The following MAEA variants were observed in gnomAD, a reference collection of about 807,000 sequenced individuals.
MAEA encodes E3 ubiquitin-protein transferase MAEA.
Under a neutral mutation model 46.2 loss-of-function variants are expected in MAEA, and 22 were observed. That is an observed-to-expected ratio of 0.48 (90% CI 0.34 to 0.68). The LOEUF (loss-of-function observed/expected upper bound fraction) is 0.68. Among genes scored for constraint, MAEA ranks in the 30% least tolerant of loss-of-function variants. The pLI, the probability that MAEA is intolerant of heterozygous loss-of-function variation, is 0.01. For synonymous variants in MAEA, 246 were observed against 222.6 expected, an observed-to-expected ratio of 1.11 and a Z score of -0.94; for missense variants, 393 against 558.1, an observed-to-expected ratio of 0.70 and a Z score of 2.98.
intron 1 of MAEA, among the ~76,000 whole-genome samples, chr4:1,293,084 C>T (rs1224978228): frequency 2.6e-5 from 4 of 152,082 alleles, no homozygotes; most frequent in East Asian, 1.9e-4. Context: ...TTAGTAGAGA[C>T]GTGGTTTCTC....
At chr4:1,335,491 C>T (rs1712630574) in intron 6 of MAEA, 1 of 980,462 alleles carries the variant, frequency 1.0e-6, no homozygotes, top group South Asian at 4.7e-5. Flanking sequence ...GTGTTGAAAT[C>T]ACAGAGTTAA....
In MAEA at chr4:1,339,264, T is replaced by C; in HGVS notation, c.*95T>C. 1 of 863,632 alleles carries C rather than the reference T, an allele frequency of 1.2e-6. No homozygotes were observed. Among genetic ancestry groups the C allele is most frequent in the Non-Finnish European group, 1.9e-6 (1 of 517,512 alleles). The allele number at this position is 863,632 out of a possible 1,614,324, so 53.5% of individuals were successfully genotyped here. On this transcript the variant is annotated 3_prime_UTR_variant, in exon 9 of 9. Transcript: ENST00000303400. Reference sequence around the variant, plus strand: ...TCCCACGCTCCAGCCTGCCGCGGCGTTTCTGTTTCTTGCGACCAAAGATCC... The same window carrying C: ...TCCCACGCTCCAGCCTGCCGCGGCGCTTCTGTTTCTTGCGACCAAAGATCC...
chr4:1,334,927 T>C, intron 6 of MAEA: 1 of 985,378 alleles, frequency 1.0e-6, no homozygotes, highest in Non-Finnish European at 1.2e-6. Flanking sequence ...CCTTTAAAAA[T>C]GTTGGAGTTA....
At chr4:1,335,559 C>T (rs1465711828) in intron 6 of MAEA, 5 of 865,272 alleles carry the variant, frequency 5.8e-6, no homozygotes, top group African/African-American at 1.8e-5. Context: ...ACTGGCCCCA[C>T]AGTGTGTTGA....
chr4:1,309,854 G>C (rs1736263910), intron 1 of MAEA: 3 of 1,315,460 alleles, frequency 2.3e-6, no homozygotes, highest in Non-Finnish European at 2.9e-6. Context: ...CTGTGCCTGA[G>C]CAGCGTCAGC....
At chr4:1,325,839 C>G (rs1036585879) in intron 4 of MAEA, among the ~76,000 whole-genome samples, 3 of 152,144 alleles carry the variant, frequency 2.0e-5, no homozygotes, top group Non-Finnish European at 4.4e-5. Context: ...CTGATTTGTA[C>G]CAAGCCTGGC....
chr4:1,329,931 G>A (rs1007424753), intron 5 of MAEA: 60 of 985,410 alleles, frequency 6.1e-5, no homozygotes, highest in Non-Finnish European at 6.7e-5. Context: ...TCCACATGGC[G>A]CTGGAGCGTC....
At chr4:1,330,682 T>G (rs2108994651) in intron 5 of MAEA, 1 of 152,376 alleles carries the variant, frequency 6.6e-6, no homozygotes, top group Admixed American at 6.5e-5. Flanking sequence ...ATTTAGTTTG[T>G]TAAAAGTCAC....
rs536858415 is a variant in MAEA, at chr4:1,332,641, C to G, written c.657-116C>G. The G allele has an allele frequency of 3.4e-4, 241 of 714,078 alleles. 5 individuals carry two copies. The South Asian group carries it at 4.0e-3, about 12-fold the overall frequency. 44.2% of individuals were successfully genotyped at this position (714,078 alleles called of 1,614,324 possible). A position where few individuals can be genotyped will look rare whatever the true frequency, so the allele number is the denominator to read the frequency against. ...ATCGCCTGAGCCTGAGAGTTCGAGG[C>G]TACAGTGAGCTGTGACTGTGCCACT... is the stretch of plus-strand genomic sequence containing the variant. On this transcript the variant is annotated intron_variant, in intron 5 of 8. Transcript: ENST00000303400.
chr4:1,290,352 C>T (rs1733975587), intron 1 of MAEA, among the ~76,000 whole-genome samples: 1 of 152,212 alleles, frequency 6.6e-6, no homozygotes, highest in African/African-American at 2.4e-5. Context: ...CAGCCAGTGC[C>T]CGGCCGCCCT....
intron 3 of MAEA, among the ~76,000 whole-genome samples, chr4:1,320,626 G>A (rs190997464): frequency 2.0e-5 from 3 of 149,432 alleles, no homozygotes; most frequent in African/African-American, 7.7e-5. Flanking sequence ...CTATGGAGGG[G>A]CATCAGAAAA....
intron 1 of MAEA, among the ~76,000 whole-genome samples, chr4:1,305,767 G>C (rs558012757): frequency 1.5e-5 from 1 of 68,896 alleles, no homozygotes; most frequent in Non-Finnish European, 5.1e-5. Flanking sequence ...ACGTGCGCAC[G>C]CGTGCGTGTA....
At chr4:1,297,313 A>G (rs893262700) in intron 1 of MAEA, among the ~76,000 whole-genome samples, 4 of 152,184 alleles carry the variant, frequency 2.6e-5, no homozygotes, top group African/African-American at 9.7e-5. Context: ...GGAGGAGGGT[A>G]AGGGGGAATC....
At chr4:1,317,722 T>C (rs1737476017) in intron 3 of MAEA, among the ~76,000 whole-genome samples, 1 of 152,214 alleles carries the variant, frequency 6.6e-6, no homozygotes, top group African/African-American at 2.4e-5. Flanking sequence ...CAAGCGTGAA[T>C]GTGATGTGTC....
intron 3 of MAEA, among the ~76,000 whole-genome samples, chr4:1,316,101 C>T (rs1379639252): frequency 2.0e-5 from 3 of 152,048 alleles, no homozygotes; most frequent in East Asian, 3.9e-4. Context: ...GATACCTGTA[C>T]CCCGGGTTTT....
chr4:1,334,120 GCCCACCCCA>G lies in MAEA; in HGVS notation c.765+1256_765+1264del, dbSNP rs1218399607. Among the ~76,000 whole-genome samples, 12 of 15,224 alleles carry G rather than the reference GCCCACCCCA, an allele frequency of 7.9e-4. 3 individuals carry two copies. Among genetic ancestry groups the G allele is most frequent in the Admixed American group, 2.9e-3 (5 of 1,752 alleles). The allele number at this position is 15,224 out of a possible 152,430, so 10.0% of individuals were successfully genotyped here. On this transcript the variant is annotated intron_variant, in intron 6 of 8. Transcript: ENST00000303400. Reference sequence around the variant, plus strand: ...CCATGCCTACCGTGCTCACCCCCATGCCCACCCCATGCCCACCATGTGCTCACCCCTGCA... The same window carrying G: ...CCATGCCTACCGTGCTCACCCCCATGTGCCCACCATGTGCTCACCCCTGCA...
intron 1 of MAEA, among the ~76,000 whole-genome samples, chr4:1,294,272 C>T (rs1033684533): frequency 1.3e-5 from 2 of 152,108 alleles, no homozygotes; most frequent in Non-Finnish European, 2.9e-5. Context: ...GGCTGGCTTC[C>T]GCGGCCTCCG....
At chr4:1,298,942 C>T (rs961186805) in intron 1 of MAEA, among the ~76,000 whole-genome samples, 8 of 152,092 alleles carry the variant, frequency 5.3e-5, no homozygotes, top group African/African-American at 1.9e-4. Flanking sequence ...AGTGCAGTGG[C>T]ATGATCACAG....
chr4:1,292,138 G>A (rs564363108), intron 1 of MAEA, among the ~76,000 whole-genome samples: 2 of 152,328 alleles, frequency 1.3e-5, no homozygotes, highest in South Asian at 2.1e-4. Flanking sequence ...TGTGGAAGGT[G>A]GGGGGTGGAT....
Sources: allele counts gnomAD v4.1 joint callset (sites outside exome capture counted in the v4.1 genomes callset), GRCh38; gene constraint gnomAD v4.1.1; transcripts MANE v1.5; gene names NCBI Gene and HGNC (gene_info 2026-07-23, HGNC 2026-07-21).